KCNIP4: variants seen among roughly 807,000 people sequenced by gnomAD.
KCNIP4 encodes the protein Kv channel-interacting protein 4.
KCNIP4 carries 12 observed loss-of-function variants against 34.0 expected under a neutral mutation model. That is an observed-to-expected ratio of 0.35 (90% CI 0.23 to 0.57). The LOEUF is 0.57. Ranked by LOEUF, KCNIP4 falls within the 20% of genes least tolerant of loss-of-function variation. KCNIP4 has a pLI of 0.83. For synonymous variants in KCNIP4, 124 were observed against 102.2 expected (o/e 1.21, Z -1.29); for missense variants, 238 against 311.7 (o/e 0.76, Z 1.78).
intron 1 of KCNIP4, among the ~76,000 whole-genome samples, chr4:21,258,396 A>G (rs904947146): frequency 1.3e-5 from 2 of 152,154 alleles, no homozygotes; most frequent in Non-Finnish European, 2.9e-5. Context: ...TTTATCATGT[A>G]TGTACGCGTG....
Position 21,948,553 on chromosome 4 carries a change from A to C in KCNIP4, c.61+18T>G. On this transcript the variant is annotated intron_variant, in intron 1 of 8. Transcript: ENST00000382152. ...AGGGCGGAAGCGGGCGCCCGCTCGC[A>C]AGCTTATTGCATCCTACCGCCTGTA... 2 of 1,610,858 alleles carry C rather than the reference A, an allele frequency of 1.2e-6. No individual in the cohort carries two copies. Among genetic ancestry groups the C allele is most frequent in the Non-Finnish European group, 1.7e-6 (2 of 1,178,560 alleles).
At chr4:21,204,328 T>C (rs1223161075) in intron 1 of KCNIP4, among the ~76,000 whole-genome samples, 1 of 152,152 alleles carries the variant, frequency 6.6e-6, no homozygotes, top group Non-Finnish European at 1.5e-5. Flanking sequence ...CCTTGAGACT[T>C]AGTTTGTTTC....
intron 1 of KCNIP4, among the ~76,000 whole-genome samples, chr4:21,453,813 C>A (rs1306750684): frequency 6.6e-6 from 1 of 152,120 alleles, no homozygotes; most frequent in African/African-American, 2.4e-5. Flanking sequence ...AGCACATTTT[C>A]TCTTTGCCAG....
In KCNIP4 at chr4:21,522,234, G is replaced by GA. The variant is rs796860587; in HGVS notation, c.61+426336dup. ...TCATTTAACACTTCAGAGACTCCAG[G>GA]AAAAAAAAAATTGCAGGCACCACAT... On this transcript the variant is annotated intron_variant, in intron 1 of 8. Transcript: ENST00000382152. Among the ~76,000 whole-genome samples the GA allele has an allele frequency of 1.7e-3, 250 of 149,792 alleles. 2 individuals are homozygous for GA. Among genetic ancestry groups the GA allele is most frequent in the African/African-American group, 2.4e-3 (97 of 40,898 alleles).
intron 3 of KCNIP4, among the ~76,000 whole-genome samples, chr4:20,777,194 T>C (rs1008366540): frequency 6.6e-6 from 1 of 152,128 alleles, no homozygotes; most frequent in Non-Finnish European, 1.5e-5. Flanking sequence ...GAAGAAAACA[T>C]GTCCTTCTTC....
At chr4:20,740,260 A>C (rs535753009) in intron 5 of KCNIP4, among the ~76,000 whole-genome samples, 1 of 152,308 alleles carries the variant, frequency 6.6e-6, no homozygotes, top group South Asian at 2.1e-4. Flanking sequence ...CCTTAAGAGC[A>C]ATTCCAAGAC....
chr4:21,519,519 T>TATGTGTGTATATGTATGTGTATATACAC (rs1735181412), intron 1 of KCNIP4, among the ~76,000 whole-genome samples: 1 of 62,134 alleles, frequency 1.6e-5, no homozygotes, highest in Admixed American at 1.5e-4. Context: ...TATATACACA[T>TATGTGTGTATATGTATGTGTATATACAC]ATGTGTGTAT....
intron 1 of KCNIP4, among the ~76,000 whole-genome samples, chr4:21,418,023 C>G (rs1725123923): frequency 6.6e-6 from 1 of 152,114 alleles, no homozygotes; most frequent in South Asian, 2.1e-4. Flanking sequence ...TGCAGAAACT[C>G]AAATAGTAGA....
chr4:21,531,323 T>TCCTC (rs1466995473), intron 1 of KCNIP4, among the ~76,000 whole-genome samples: 1 of 133,312 alleles, frequency 7.5e-6, no homozygotes, highest in Admixed American at 7.7e-5. Context: ...CTTCCTTCCT[T>TCCTC]CCTCCCTCCC....
rs113880778 is a variant in KCNIP4, at chr4:21,069,372, A to G, written c.62-186663T>C. On this transcript the variant is annotated intron_variant, in intron 1 of 8. Transcript: ENST00000382152. Reference sequence around the variant, plus strand: ...AGCACATCATTCTACTCTGTTGACAATGCTGAAGGTTTTGAGTTATTGATT... The same window carrying G: ...AGCACATCATTCTACTCTGTTGACAGTGCTGAAGGTTTTGAGTTATTGATT... 4.3e-3 allele frequency among the ~76,000 whole-genome samples: 659 copies of G among 152,324 alleles called. 4 individuals are homozygous for G. Among genetic ancestry groups the G allele is most frequent in the African/African-American group, 0.015 (620 of 41,566 alleles).
chr4:21,391,567 C>T lies in KCNIP4; in HGVS notation c.62-508858G>A, dbSNP rs560036468. 7.2e-5 allele frequency among the ~76,000 whole-genome samples: 11 copies of T among 152,216 alleles called. No homozygotes were observed. The East Asian group carries it at 2.1e-3, about 29-fold the overall frequency. The stretch of plus-strand genomic sequence containing the variant: ...CGTGGAGAATAAAATTCACACTCCT[C>T]AGCATGCCACTGAGACCTACCCATA... On this transcript the variant is annotated intron_variant, in intron 1 of 8. Coordinates refer to ENST00000382152, the MANE Select transcript of KCNIP4 (RefSeq NM_025221.6).
intron 1 of KCNIP4, among the ~76,000 whole-genome samples, chr4:21,465,851 G>A (rs545806058): frequency 3.3e-4 from 50 of 152,268 alleles, no homozygotes; most frequent in African/African-American, 1.2e-3. Flanking sequence ...TCTCAGCTAG[G>A]AGTTAAGGCT....
chr4:21,631,970 CCATT>C (rs1193046348), intron 1 of KCNIP4, among the ~76,000 whole-genome samples: 1 of 152,220 alleles, frequency 6.6e-6, no homozygotes, highest in African/African-American at 2.4e-5. Flanking sequence ...AACTTCCCAT[CCATT>C]AAGAATTATG....
At chr4:21,397,679 A>G (rs992130883) in intron 1 of KCNIP4, among the ~76,000 whole-genome samples, 1 of 152,212 alleles carries the variant, frequency 6.6e-6, no homozygotes, top group African/African-American at 2.4e-5. Context: ...GCCTGATCCA[A>G]TGATCTAGAG....
At chr4:21,913,351 T>C (rs188175572) in intron 1 of KCNIP4, among the ~76,000 whole-genome samples, 1 of 144,400 alleles carries the variant, frequency 6.9e-6, no homozygotes, top group East Asian at 2.4e-4. Context: ...ATTTTGTTTT[T>C]TTTTTCTTTT....
chr4:21,279,534 T>C (rs1762648927), intron 1 of KCNIP4, among the ~76,000 whole-genome samples: 1 of 150,850 alleles, frequency 6.6e-6, no homozygotes, highest in African/African-American at 2.4e-5. Flanking sequence ...CACATATATA[T>C]ATGCCCTACA....
At chr4:21,647,524 C>T (rs1577752089) in intron 1 of KCNIP4, among the ~76,000 whole-genome samples, 2 of 152,254 alleles carry the variant, frequency 1.3e-5, no homozygotes, top group South Asian at 4.1e-4. Flanking sequence ...CCTACTCCTA[C>T]AGATTATTAT....
chr4:21,942,898 A>G (rs1482209535), intron 1 of KCNIP4, among the ~76,000 whole-genome samples: 1 of 152,114 alleles, frequency 6.6e-6, no homozygotes, highest in African/African-American at 2.4e-5. Flanking sequence ...AGCTGGGATT[A>G]CAGGTGTCTG....
chr4:20,832,025 T>C (rs1718490356), intron 3 of KCNIP4, among the ~76,000 whole-genome samples: 1 of 152,194 alleles, frequency 6.6e-6, no homozygotes, highest in Admixed American at 6.5e-5. Context: ...TCATATCCTT[T>C]CTTGGAATTT....
Sources: allele counts gnomAD v4.1 joint callset (sites outside exome capture counted in the v4.1 genomes callset), GRCh38; gene constraint gnomAD v4.1.1; transcripts MANE v1.5; gene names NCBI Gene and HGNC (gene_info 2026-07-23, HGNC 2026-07-21).